DNM2: variants seen among roughly 807,000 people sequenced by gnomAD.
The protein encoded by DNM2 is dynamin-2.
In DNM2, 15 loss-of-function variants were observed where a neutral mutation model predicts 99.0. The observed-to-expected ratio is 0.15, with a 90% CI of 0.10 to 0.23. The LOEUF is 0.23. DNM2 is among the 10% of genes least tolerant of loss of function. DNM2 has a pLI of 1.00. For missense variants in DNM2, 742 were observed against 1,189.4 expected, an observed-to-expected ratio of 0.62 and a Z score of 5.53; for synonymous variants, 525 against 481.2, an observed-to-expected ratio of 1.09 and a Z score of -1.19.
rs1437972184 is a variant in DNM2, at chr19:10,824,004, G to A, written c.1893+105G>A. The A allele has an allele frequency of 8.2e-6, 9 of 1,102,578 alleles. No homozygotes were observed. The Admixed American group carries it at 1.9e-4, about 23-fold the overall frequency. The allele number at this position is 1,102,578 out of a possible 1,614,324, so 68.3% of individuals were successfully genotyped here. On this transcript the variant is annotated intron_variant, in intron 17 of 20. Transcript: ENST00000389253. ...CATTTTCAGGCCATGTTAGCCAGGAGTCTCTGAAATCATGTAGCAGATGCC... is the reference window on the plus strand; with the variant it reads ...CATTTTCAGGCCATGTTAGCCAGGAATCTCTGAAATCATGTAGCAGATGCC...
intron 13 of DNM2, among the ~76,000 whole-genome samples, chr19:10,807,193 C>T (rs923823957): frequency 6.6e-6 from 1 of 152,114 alleles, no homozygotes; most frequent in Non-Finnish European, 1.5e-5. Context: ...CTGGTTCAGC[C>T]TCCTCAGTAG....
intron 7 of DNM2, among the ~76,000 whole-genome samples, chr19:10,789,847 G>A (rs1171182614): frequency 6.6e-6 from 1 of 152,156 alleles, no homozygotes; most frequent in East Asian, 1.9e-4. Context: ...AAATAAATAA[G>A]TAAATAAATA....
intron 3 of DNM2, among the ~76,000 whole-genome samples, chr19:10,773,301 C>G (rs2071041613): frequency 6.6e-6 from 1 of 152,010 alleles, no homozygotes; most frequent in Non-Finnish European, 1.5e-5. Context: ...GCAACTGCCG[C>G]CACGCCTGGC....
At chr19:10,786,062 A>G (rs958654788) in intron 6 of DNM2, among the ~76,000 whole-genome samples, 3 of 152,088 alleles carry the variant, frequency 2.0e-5, no homozygotes, top group Admixed American at 1.3e-4. Context: ...AGTCTCCCAA[A>G]GTGCTGGGAT....
At chr19:10,825,650 C>CA (rs2073118580) in intron 18 of DNM2, among the ~76,000 whole-genome samples, 1 of 151,410 alleles carries the variant, frequency 6.6e-6, no homozygotes, top group Non-Finnish European at 1.5e-5. Flanking sequence ...GCCTGGGCGA[C>CA]AGAGTGAGAC....
chr19:10,805,816 C>T, intron 12 of DNM2, 100 bp from the exon 13 acceptor site: 1 of 1,487,328 alleles, frequency 6.7e-7, no homozygotes, highest in Non-Finnish European at 9.4e-7. Flanking sequence ...CCTGTGGCTG[C>T]TCACTTGGTC....
chr19:10,767,769 G>A (rs961043664), intron 2 of DNM2, among the ~76,000 whole-genome samples: 2 of 152,192 alleles, frequency 1.3e-5, no homozygotes, highest in African/African-American at 2.4e-5. Flanking sequence ...AGCCAGGCGT[G>A]GTGGCATGCG....
intron 1 of DNM2, among the ~76,000 whole-genome samples, chr19:10,737,274 G>C (rs899825163): frequency 1.3e-5 from 2 of 151,998 alleles, no homozygotes; most frequent in African/African-American, 4.8e-5. Flanking sequence ...TTCACATGCT[G>C]CTTCCACTGC....
At chr19:10,815,261 A>G (rs1288931065) in intron 15 of DNM2, among the ~76,000 whole-genome samples, 1 of 152,202 alleles carries the variant, frequency 6.6e-6, no homozygotes, top group Non-Finnish European at 1.5e-5. Context: ...AAGAAGGGAA[A>G]GAAGGGCCTC....
At chr19:10,794,627 A>G (rs1277986450) in intron 8 of DNM2, among the ~76,000 whole-genome samples, 1 of 151,952 alleles carries the variant, frequency 6.6e-6, no homozygotes, top group Non-Finnish European at 1.5e-5. Flanking sequence ...CTGTAGTCCT[A>G]GCTACTTGGG....
At chr19:10,793,917 G>A (rs2071839376) in intron 8 of DNM2, 62 bp downstream of exon 8, 1 of 1,613,008 alleles carries the variant, frequency 6.2e-7, no homozygotes, top group African/African-American at 1.3e-5. Context: ...CTGGCCTCAA[G>A]CCAGGCCTCC....
At position 10,758,431 on chromosome 19, in the gene DNM2, C is replaced by CCCTCCCTCCTTCCT. The variant is rs2070488464; in HGVS notation, c.162-1307_162-1306insCCTCCCTCCTTCCT. Among the ~76,000 whole-genome samples, 41 of 24,000 alleles carry CCCTCCCTCCTTCCT rather than the reference C, an allele frequency of 1.7e-3. 2 individuals carry two copies. Among genetic ancestry groups the CCCTCCCTCCTTCCT allele is most frequent in the South Asian group, 9.3e-3 (4 of 428 alleles). 15.7% of individuals were successfully genotyped at this position (24,000 alleles called of 152,430 possible). A position where few individuals can be genotyped will look rare whatever the true frequency, so the allele number is the denominator to read the frequency against. ...CCTCCTTCCTTCCCTCCCTCCTTCC[C>CCCTCCCTCCTTCCT]TCCCTCCCTCCTTCCTTCCCTCCCT... is the stretch of plus-strand genomic sequence containing the variant. On this transcript the variant is annotated intron_variant, in intron 1 of 20. Coordinates refer to ENST00000389253, the MANE Select transcript of DNM2 (RefSeq NM_001005361.3).
At chr19:10,748,097 G>C (rs940217320) in intron 1 of DNM2, among the ~76,000 whole-genome samples, 2 of 152,130 alleles carry the variant, frequency 1.3e-5, no homozygotes, top group Admixed American at 1.3e-4. Flanking sequence ...GCAGGGCTTG[G>C]GGGGCTGCAG....
chr19:10,807,508 G>A (rs916555457), intron 13 of DNM2, among the ~76,000 whole-genome samples: 2 of 146,378 alleles, frequency 1.4e-5, no homozygotes, highest in Non-Finnish European at 3.0e-5. Context: ...CCAAAGTGCT[G>A]GAATTACAAG....
intron 1 of DNM2, among the ~76,000 whole-genome samples, chr19:10,752,523 A>G (rs778633453): frequency 6.6e-6 from 1 of 152,230 alleles, no homozygotes; most frequent in Non-Finnish European, 1.5e-5. Flanking sequence ...GCCACAGGCA[A>G]ACACCAGAGG....
At position 10,820,570 on chromosome 19, in the gene DNM2, A is replaced by G. The variant is rs113623050; in HGVS notation, c.1781+481A>G. Among the ~76,000 whole-genome samples, 13 of 152,316 alleles carry G rather than the reference A, an allele frequency of 8.5e-5. No homozygotes were observed. The highest frequency in any genetic ancestry group is 1.3e-4 in the Non-Finnish European group (9 of 68,016). The stretch of plus-strand genomic sequence containing the variant: ...ATGGATATGAGAGAGAAAGGCACCA[A>G]TTGTGACCCTGAGTACGTGGGCCTG... On this transcript the variant is annotated intron_variant, in intron 16 of 20. Coordinates refer to ENST00000389253, the MANE Select transcript of DNM2 (RefSeq NM_001005361.3). This position sits in a 1 kb window ranked among gnomAD's most constrained non-coding sequence, Gnocchi z 4.3.
chr19:10,800,935 G>T (rs1050995617), intron 11 of DNM2, among the ~76,000 whole-genome samples: 4 of 152,262 alleles, frequency 2.6e-5, no homozygotes, highest in African/African-American at 9.6e-5. Context: ...GTGCACGTGT[G>T]TGTTTTATTT....
At position 10,805,942 on chromosome 19, in the gene DNM2, A is replaced by G; in HGVS notation, c.1520A>G (p.Asn507Ser). ...GCCCAGCAGAGGAGCACGCAGCTGA[A>G]CAAGAAGAGAGCCATCCCCAATCAG... Reference protein sequence around the residue: ...ANAQQRSTQLNKKRAIPNQGE... With the variant: ...ANAQQRSTQLSKKRAIPNQGE... Residue 507 changes from asparagine to serine, a missense_variant, in exon 13 of 21, where the codon AAC becomes AGC. Transcript: ENST00000389253. 1 of 1,614,136 alleles carries G rather than the reference A, an allele frequency of 6.2e-7. No homozygotes were observed. The highest frequency in any genetic ancestry group is 8.5e-7 in the Non-Finnish European group (1 of 1,180,024).
intron 12 of DNM2, 30 bp downstream of exon 12, chr19:10,802,388 G>A (rs761939794): frequency 6.2e-7 from 1 of 1,611,582 alleles, no homozygotes; most frequent in Non-Finnish European, 8.5e-7. Flanking sequence ...GGCTGGTCGG[G>A]CGGCACCAAT....
Sources: allele counts gnomAD v4.1 joint callset (sites outside exome capture counted in the v4.1 genomes callset), GRCh38; gene constraint gnomAD v4.1.1; non-coding constraint Gnocchi (gnomAD v3.1); transcripts MANE v1.5; gene names NCBI Gene and HGNC (gene_info 2026-07-23, HGNC 2026-07-21).